The following SLC38A6 variants were observed in gnomAD, a reference collection of about 807,000 sequenced individuals.
The protein encoded by SLC38A6 is solute carrier family 38 member 6.
Under a neutral mutation model 65.0 loss-of-function variants are expected in SLC38A6, and 73 were observed. The observed-to-expected ratio is 1.12, with a 90% CI of 0.93 to 1.37. The LOEUF is 1.37. SLC38A6 is among the 40% of genes most tolerant of loss of function. The pLI, the probability that SLC38A6 is intolerant of heterozygous loss-of-function variation, is 0.00. For missense variants in SLC38A6, 561 were observed against 531.1 expected (o/e 1.06, Z -0.55); for synonymous variants, 183 against 178.8 (o/e 1.02, Z -0.19).
intron 12 of SLC38A6, among the ~76,000 whole-genome samples, chr14:61,046,534 T>A (rs2042159517): frequency 6.6e-6 from 1 of 152,204 alleles, no homozygotes; most frequent in Non-Finnish European, 1.5e-5. Flanking sequence ...GGTGAGTCAG[T>A]CATCTTAATT....
intron 3 of SLC38A6, among the ~76,000 whole-genome samples, chr14:60,989,213 T>A (rs1366090265): frequency 6.6e-6 from 1 of 152,192 alleles, no homozygotes; most frequent in Non-Finnish European, 1.5e-5. Flanking sequence ...TTGTGTTTAT[T>A]TCTAAGGCCT....
At chr14:61,070,278 G>A (rs770058388) in intron 15 of SLC38A6, among the ~76,000 whole-genome samples, 3 of 152,154 alleles carry the variant, frequency 2.0e-5, no homozygotes, top group African/African-American at 4.8e-5. Flanking sequence ...GACTGCTCTC[G>A]CCATCTTGTA....
rs369037249 is a variant in SLC38A6 at position 61,037,173 on chromosome 14, G to C, written c.565+32G>C. 1.9e-5 allele frequency: 28 copies of C among 1,466,228 alleles called. No homozygotes were observed. In the African/African-American group the frequency reaches 3.0e-4, roughly 16 times the overall value. The allele number at this position is 1,466,228 out of a possible 1,614,324, so 90.8% of individuals were successfully genotyped here. A position where few individuals can be genotyped will look rare whatever the true frequency, so the allele number is the denominator to read the frequency against. ...CTTTATAGAGCACATTATTTGTTTA[G>C]AAAAAGGAAAGAAGGGAGGGAGGGA... On this transcript the variant is annotated intron_variant, in intron 7 of 15. Coordinates refer to ENST00000267488, the MANE Select transcript of SLC38A6 (RefSeq NM_153811.3).
chr14:61,065,420 A>T (rs1030561792), intron 15 of SLC38A6, among the ~76,000 whole-genome samples: 2 of 152,216 alleles, frequency 1.3e-5, no homozygotes, highest in Admixed American at 1.3e-4. Flanking sequence ...GTGCCTTCAG[A>T]TGGGTTATGA....
At chr14:61,064,839 C>T (rs1049626496) in intron 15 of SLC38A6, among the ~76,000 whole-genome samples, 1 of 151,862 alleles carries the variant, frequency 6.6e-6, no homozygotes, top group Non-Finnish European at 1.5e-5. Flanking sequence ...AATTAAAAGA[C>T]GAAGTGCCAA....
chr14:61,078,871 G>A lies in SLC38A6; in HGVS notation c.1352G>A (p.Cys451Tyr), dbSNP rs760595139. Residue 451 changes from cysteine to tyrosine, a missense_variant, in exon 16 of 17, where the codon TGC (cysteine) becomes TAC (tyrosine). Physicochemically the swap from Cys to Tyr is radical, Grantham distance 194. Transcript: ENST00000354886. Reference sequence around the variant, plus strand: ...GTGATCTCAGCTCATTGCAACCTCTGCCTCCCGGACTCAAGCAATCCTCCC... The same window carrying A: ...GTGATCTCAGCTCATTGCAACCTCTACCTCCCGGACTCAAGCAATCCTCCC... 5 of 203,740 alleles carry A rather than the reference G, an allele frequency of 2.5e-5. No homozygotes were observed. The South Asian group carries it at 3.9e-4, about 16-fold the overall frequency. The allele number at this position is 203,740 out of a possible 1,614,324, so 12.6% of individuals were successfully genotyped here. A position where few individuals can be genotyped will look rare whatever the true frequency, so the allele number is the denominator to read the frequency against.
At chr14:61,052,307 T>TTTTATC (rs1340846598) in intron 15 of SLC38A6, 42 bp from the exon 16 acceptor site, 2 of 1,474,480 alleles carry the variant, frequency 1.4e-6, no homozygotes, top group East Asian at 5.0e-5. Context: ...ATCTTTTTTC[T>TTTTATC]TTTATCTTTC....
At chr14:61,060,979 C>T (rs1299335358) in intron 15 of SLC38A6, among the ~76,000 whole-genome samples, 1 of 150,818 alleles carries the variant, frequency 6.6e-6, no homozygotes, top group Admixed American at 6.6e-5. Flanking sequence ...CCTGCTTCGG[C>T]TCGCGCACGG....
intron 5 of SLC38A6, among the ~76,000 whole-genome samples, chr14:61,026,910 A>G (rs145465716): frequency 6.6e-6 from 1 of 152,244 alleles, no homozygotes; most frequent in African/African-American, 2.4e-5. Context: ...AGCTGTTTTC[A>G]TGGATCTCTG....
intron 3 of SLC38A6, among the ~76,000 whole-genome samples, chr14:60,999,404 T>G (rs1156645044): frequency 5.3e-4 from 80 of 152,174 alleles, no homozygotes; most frequent in Admixed American, 5.1e-3. Context: ...CTCCTCATTT[T>G]TTTTCTTTTT....
chr14:61,043,598 T>C, intron 10 of SLC38A6, 95 bp downstream of exon 10: 1 of 801,896 alleles, frequency 1.2e-6, no homozygotes, highest in East Asian at 2.6e-5. Context: ...TTTGTACCTG[T>C]GACTAATTAA....
At chr14:61,050,444 G>A (rs2042440751) in intron 12 of SLC38A6, 68 bp from the exon 13 acceptor site, 5 of 1,138,812 alleles carry the variant, frequency 4.4e-6, no homozygotes, top group Non-Finnish European at 5.8e-6. Context: ...TTAGTGCAAA[G>A]GAAAACAATT....
In SLC38A6 at chr14:61,045,364, A is replaced by G. The variant is rs757266919; in HGVS notation, c.763A>G (p.Thr255Ala). 3.1e-6 allele frequency: 5 copies of G among 1,613,508 alleles called. No homozygotes were observed. The highest frequency in any genetic ancestry group is 4.2e-6 in the Non-Finnish European group (5 of 1,179,748). The change falls in exon 11 of 16, where the codon ACC (threonine) becomes GCC (alanine). Residue 255 changes from threonine to alanine, a missense_variant. By Grantham distance (58) the Thr-to-Ala change is moderately conservative. Coordinates refer to ENST00000267488, the MANE Select transcript of SLC38A6 (RefSeq NM_153811.3). ...FSKESAYALP[T>A]MAFSFLCHTS... ...TTTTCAGAGTGCTTATGCCTTACCAACCATGGCTTTTTCATTTCTCTGCCA... is the reference window on the plus strand; with the variant it reads ...TTTTCAGAGTGCTTATGCCTTACCAGCCATGGCTTTTTCATTTCTCTGCCA...
chr14:61,049,047 C>G (rs2042341822), intron 12 of SLC38A6, among the ~76,000 whole-genome samples: 1 of 152,154 alleles, frequency 6.6e-6, no homozygotes, highest in Non-Finnish European at 1.5e-5. Flanking sequence ...CATTTCTCTC[C>G]TGTTTCCATT....
intron 16 of SLC38A6, among the ~76,000 whole-genome samples, chr14:61,082,310 C>T (rs1249310326): frequency 6.6e-6 from 1 of 152,200 alleles, no homozygotes; most frequent in Non-Finnish European, 1.5e-5. Context: ...ACTGGAAATT[C>T]AGAGAATGTC....
downstream of SLC38A6, among the ~76,000 whole-genome samples, chr14:61,053,457 A>C (rs2042602234): frequency 6.6e-6 from 1 of 152,150 alleles, no homozygotes. Flanking sequence ...TCTTTGAGGA[A>C]TCACCATAGT....
At chr14:60,981,722 C>T (rs2037042830) in intron 1 of SLC38A6, 1 of 1,310,436 alleles carries the variant, frequency 7.6e-7, no homozygotes, top group Non-Finnish European at 1.0e-6. Context: ...ATTTTCTCCA[C>T]CAGTCTCGTG....
chr14:61,075,983 G>A (rs553956029), intron 15 of SLC38A6, among the ~76,000 whole-genome samples: 1 of 152,128 alleles, frequency 6.6e-6, no homozygotes, highest in Non-Finnish European at 1.5e-5. Flanking sequence ...AGCCTCCCAA[G>A]TAGCTGGGAT....
chr14:61,007,698 C>A (rs1045420270), intron 3 of SLC38A6, among the ~76,000 whole-genome samples: 1 of 144,428 alleles, frequency 6.9e-6, no homozygotes, highest in Admixed American at 7.2e-5. Flanking sequence ...TGAAAATGAA[C>A]ACCGATATAA....
Sources: gnomAD v4.1 joint callset for allele counts (sites outside exome capture counted in the v4.1 genomes callset) on GRCh38, gnomAD v4.1.1 for gene constraint, MANE v1.5 for transcripts, NCBI Gene and HGNC (gene_info 2026-07-23, HGNC 2026-07-21) for gene names.